The following PRKG2 variants were observed in gnomAD, a reference collection of about 807,000 sequenced individuals.
The protein encoded by PRKG2 is protein kinase cGMP-dependent 2.
In PRKG2, 33 loss-of-function variants were observed where a neutral mutation model predicts 97.2. The ratio of observed to expected loss-of-function variants is 0.34; its 90% CI spans 0.26 to 0.45. The LOEUF is 0.45. Among genes scored for constraint, PRKG2 ranks in the 20% least tolerant of loss-of-function variants. PRKG2 has a pLI of 1.00. For synonymous variants in PRKG2, 330 were observed against 321.8 expected, an observed-to-expected ratio of 1.03 and a Z score of -0.27; for missense variants, 638 against 900.0, an observed-to-expected ratio of 0.71 and a Z score of 3.73.
rs1285511115 is a variant in PRKG2, at chr4:81,105,781, C to T, written c.2063+32G>A. The T allele has an allele frequency of 3.1e-6, 5 of 1,608,108 alleles. No individual in the cohort carries two copies. In the South Asian group the frequency reaches 3.3e-5, roughly 11 times the overall value. ...GAAACCGAAGCCTTTAGACTTTCTT[C>T]AAGACAAGGGGTTACTGACTGTCAT... On this transcript the variant is annotated intron_variant, in intron 16 of 18. Transcript: ENST00000264399.
intron 17 of PRKG2, among the ~76,000 whole-genome samples, chr4:81,102,445 T>A (rs1331850880): frequency 1.3e-5 from 2 of 152,184 alleles, no homozygotes; most frequent in African/African-American, 4.8e-5. Context: ...TTCCTCAATA[T>A]GAATAGTGTG....
At position 81,188,052 on chromosome 4, in the gene PRKG2, T is replaced by C. The variant is rs558151915; in HGVS notation, c.462-13093A>G. ...CTCATTAAACTAAAGAGCTTCTGCA[T>C]AGCAAAAGAAACTACCATCAGAGTG... is the stretch of plus-strand genomic sequence containing the variant. On this transcript the variant is annotated intron_variant, in intron 2 of 18. Coordinates refer to ENST00000264399, the MANE Select transcript of PRKG2 (RefSeq NM_006259.3). Among the ~76,000 whole-genome samples, 894 of 152,208 alleles carry C rather than the reference T, an allele frequency of 5.9e-3. 6 individuals are homozygous for C. The highest frequency in any genetic ancestry group is 0.02 in the African/African-American group (816 of 41,506).
intron 4 of PRKG2, 29 bp from the exon 5 acceptor site, chr4:81,169,797 CACTT>C (rs757007585): frequency 1.1e-5 from 15 of 1,403,032 alleles, no homozygotes; most frequent in Non-Finnish European, 1.3e-5. Context: ...AACAATAAAA[CACTT>C]AGTACAACAT....
At chr4:81,131,322 G>A (rs1746155458) in intron 14 of PRKG2, among the ~76,000 whole-genome samples, 1 of 149,260 alleles carries the variant, frequency 6.7e-6, no homozygotes, top group South Asian at 2.1e-4. Context: ...CAGTCCTAAT[G>A]AGATAAGCTG....
chr4:81,129,856 G>A (rs181462747), intron 14 of PRKG2, among the ~76,000 whole-genome samples: 2 of 152,252 alleles, frequency 1.3e-5, no homozygotes, highest in East Asian at 3.9e-4. Flanking sequence ...TATTATGTGT[G>A]AATTTGATCC....
intron 17 of PRKG2, among the ~76,000 whole-genome samples, chr4:81,103,868 T>C (rs1743057247): frequency 6.6e-6 from 1 of 151,928 alleles, no homozygotes. Context: ...CTGTCTCTAC[T>C]AAAAATACAA....
chr4:81,138,600 G>A (rs1746951192), intron 12 of PRKG2, among the ~76,000 whole-genome samples: 1 of 151,100 alleles, frequency 6.6e-6, no homozygotes, highest in Admixed American at 6.6e-5. Context: ...TATTCTAATT[G>A]ACCAGTGAGA....
intron 10 of PRKG2, 105 bp from the exon 11 acceptor site, chr4:81,143,052 A>G: frequency 7.3e-7 from 1 of 1,370,870 alleles, no homozygotes; most frequent in South Asian, 2.0e-5. Context: ...TGCTGTAACT[A>G]TGATTTATAG....
At chr4:81,124,347 T>C (rs1411641521) in intron 14 of PRKG2, among the ~76,000 whole-genome samples, 1 of 152,196 alleles carries the variant, frequency 6.6e-6, no homozygotes, top group East Asian at 1.9e-4. Context: ...TTTATGTTTG[T>C]TTTTGTTTTG....
intron 14 of PRKG2, among the ~76,000 whole-genome samples, chr4:81,126,648 T>C (rs1368556477): frequency 6.6e-6 from 1 of 152,240 alleles, no homozygotes; most frequent in African/African-American, 2.4e-5. Context: ...CTTTCTTTCA[T>C]ATGTTTTTTG....
At chr4:81,096,186 A>C (rs1324832555) in intron 17 of PRKG2, among the ~76,000 whole-genome samples, 1 of 152,142 alleles carries the variant, frequency 6.6e-6, no homozygotes, top group African/African-American at 2.4e-5. Context: ...TCATTTCATA[A>C]AAGTTCTCTA....
intron 18 of PRKG2, among the ~76,000 whole-genome samples, chr4:81,090,194 T>C (rs34573739): frequency 0.13 from 20,093 of 151,940 alleles, 3,439 homozygotes; most frequent in African/African-American, 0.37. Flanking sequence ...TCCATCTCTA[T>C]TAAAAATACA....
intron 17 of PRKG2, among the ~76,000 whole-genome samples, chr4:81,099,166 C>T (rs1266395064): frequency 6.6e-6 from 1 of 152,080 alleles, no homozygotes; most frequent in East Asian, 1.9e-4. Flanking sequence ...AGCTCTGTAG[C>T]TATTTCTGAG....
At chr4:81,207,241 C>T (rs1054588998) in intron 1 of PRKG2, among the ~76,000 whole-genome samples, 2 of 152,082 alleles carry the variant, frequency 1.3e-5, no homozygotes, top group African/African-American at 2.4e-5. Context: ...TGTGTACACA[C>T]GTTTTTAACA....
chr4:81,149,017 G>C, intron 8 of PRKG2, 65 bp from the exon 9 acceptor site: 1 of 1,464,608 alleles, frequency 6.8e-7, no homozygotes, highest in Non-Finnish European at 9.6e-7. Flanking sequence ...ACTTTTATTA[G>C]GGAATGTACT....
intron 14 of PRKG2, among the ~76,000 whole-genome samples, chr4:81,121,345 A>C (rs1745051091): frequency 6.6e-6 from 1 of 152,070 alleles, no homozygotes. Context: ...CTTCTGCTTT[A>C]TCTTCTGAAA....
Position 81,178,534 on chromosome 4 carries a change from A to G in PRKG2, c.462-3575T>C, listed in dbSNP as rs1751125982. On this transcript the variant is annotated intron_variant, in intron 2 of 18. Coordinates refer to ENST00000264399, the MANE Select transcript of PRKG2 (RefSeq NM_006259.3). Reference sequence around the variant, plus strand: ...AAACGTGAATATTTAAAGAAATCAAATGGAAATTCTAAAACTGAAAAACAC... The same window carrying G: ...AAACGTGAATATTTAAAGAAATCAAGTGGAAATTCTAAAACTGAAAAACAC... 3.9e-5 allele frequency among the ~76,000 whole-genome samples: 6 copies of G among 152,212 alleles called. No homozygotes were observed. The South Asian group carries it at 1.2e-3, about 32-fold the overall frequency.
chr4:81,143,109 C>A (rs1369519421), intron 10 of PRKG2, among the ~76,000 whole-genome samples, 162 bp from the exon 11 acceptor site: 3 of 152,080 alleles, frequency 2.0e-5, no homozygotes, highest in African/African-American at 7.2e-5. Context: ...TTCAGTCCCA[C>A]GCAGCGAGAA....
chr4:81,174,998 A>C, intron 2 of PRKG2, 39 bp from the exon 3 acceptor site: 1 of 1,509,310 alleles, frequency 6.6e-7, no homozygotes, highest in Non-Finnish European at 9.0e-7. Context: ...ACAATTAATG[A>C]AAATCATGTT....
Sources: allele counts gnomAD v4.1 joint callset (sites outside exome capture counted in the v4.1 genomes callset), GRCh38; gene constraint gnomAD v4.1.1; transcripts MANE v1.5; gene names NCBI Gene and HGNC (gene_info 2026-07-23, HGNC 2026-07-21).